Variants in DOCK4 observed in about 807,000 individuals in gnomAD.
DOCK4 encodes dedicator of cytokinesis 4.
Under a neutral mutation model 268.1 loss-of-function variants are expected in DOCK4, and 97 were observed. That is an observed-to-expected ratio of 0.36 (90% confidence interval 0.31 to 0.43). The LOEUF (loss-of-function observed/expected upper bound fraction) is 0.43. Among genes scored for constraint, DOCK4 ranks in the 20% least tolerant of loss-of-function variants. The pLI, the probability that DOCK4 is intolerant of heterozygous loss-of-function variation, is 1.00. For missense variants in DOCK4, 2,145 were observed against 2,455.7 expected, an observed-to-expected ratio of 0.87 and a Z score of 2.67; for synonymous variants, 954 against 887.2, an observed-to-expected ratio of 1.08 and a Z score of -1.34.
intron 1 of DOCK4, among the ~76,000 whole-genome samples, chr7:112,155,971 A>G (rs1816577110): frequency 6.6e-6 from 1 of 152,180 alleles, no homozygotes; most frequent in Admixed American, 6.6e-5. Context: ...AAAGAGCCAT[A>G]TGTGGACAGC....
intron 13 of DOCK4, 82 bp from the exon 14 acceptor site, chr7:111,901,883 T>C (rs1791182240): frequency 9.8e-7 from 1 of 1,023,188 alleles, no homozygotes; most frequent in South Asian, 1.5e-5. Context: ...AAACTTTAGT[T>C]TATACAATAT....
chr7:112,182,509 G>A (rs1819146160), intron 1 of DOCK4, among the ~76,000 whole-genome samples: 1 of 152,158 alleles, frequency 6.6e-6, no homozygotes, highest in Non-Finnish European at 1.5e-5. Flanking sequence ...GGGAGAAGGA[G>A]GCAAAGGAAG....
At chr7:112,163,542 A>C (rs913142170) in intron 1 of DOCK4, among the ~76,000 whole-genome samples, 2 of 152,216 alleles carry the variant, frequency 1.3e-5, no homozygotes, top group African/African-American at 4.8e-5. Flanking sequence ...GGTTGTGTGC[A>C]CATTCCTGGC....
At chr7:111,768,961 A>G (rs1308468400) in intron 37 of DOCK4, among the ~76,000 whole-genome samples, 2 of 152,144 alleles carry the variant, frequency 1.3e-5, no homozygotes, top group African/African-American at 4.8e-5. Flanking sequence ...ATGAGGGTAG[A>G]GCCCTCACGA....
chr7:111,746,426 G>C lies in DOCK4; in HGVS notation c.4594-9C>G, dbSNP rs748351640. 6.3e-7 allele frequency: 1 copy of C among 1,596,326 alleles called. No individual in the cohort carries two copies. The highest frequency in any genetic ancestry group is 8.6e-7 in the Non-Finnish European group (1 of 1,169,118). On this transcript the variant is annotated splice_polypyrimidine_tract_variant and intron_variant, in intron 43 of 52. Coordinates refer to ENST00000428084, the MANE Select transcript of DOCK4 (RefSeq NM_001363540.2). ...TCTTTGACAAAGAATGCCTAGTAAG[G>C]GAAAGGAGAATCAGTCTACTTTAGT...
chr7:111,984,792 G>A (rs1221465806), intron 6 of DOCK4, among the ~76,000 whole-genome samples: 1 of 152,176 alleles, frequency 6.6e-6, no homozygotes, highest in Non-Finnish European at 1.5e-5. Context: ...AGGAAATTTG[G>A]TCTTTAGAAT....
intron 12 of DOCK4, among the ~76,000 whole-genome samples, chr7:111,916,470 A>T (rs1792595936): frequency 6.6e-6 from 1 of 152,136 alleles, no homozygotes; most frequent in Non-Finnish European, 1.5e-5. Context: ...TACAGTAGAA[A>T]CTCATGATGA....
At chr7:111,812,226 TG>T (rs1452190064) in intron 27 of DOCK4, among the ~76,000 whole-genome samples, 1 of 149,540 alleles carries the variant, frequency 6.7e-6, no homozygotes, top group Non-Finnish European at 1.5e-5. Flanking sequence ...TGTTTTGTAA[TG>T]TTTTTTGTTA....
intron 1 of DOCK4, among the ~76,000 whole-genome samples, chr7:112,183,544 T>A (rs1200948872): frequency 6.6e-6 from 1 of 152,158 alleles, no homozygotes; most frequent in Non-Finnish European, 1.5e-5. Flanking sequence ...AAACCTGGGT[T>A]TCTCAAAAAG....
intron 7 of DOCK4, among the ~76,000 whole-genome samples, chr7:111,982,487 A>C (rs181222892): frequency 3.5e-4 from 53 of 152,344 alleles, no homozygotes; most frequent in Admixed American, 2.9e-3. Flanking sequence ...ATGTTGTGCA[A>C]ATATTATCTG....
intron 12 of DOCK4, among the ~76,000 whole-genome samples, chr7:111,930,302 G>A (rs1794093859): frequency 6.6e-6 from 1 of 152,120 alleles, no homozygotes; most frequent in Non-Finnish European, 1.5e-5. Flanking sequence ...AGTGGTTAAT[G>A]TACCTTTGCA....
chr7:111,921,155 G>T lies in DOCK4; in HGVS notation c.1067-5251C>A, dbSNP rs543612659. On this transcript the variant is annotated intron_variant, in intron 12 of 52. Transcript: ENST00000428084. ...TTGGAAGAAACGTAATCATTAAAGT[G>T]AACTTTCACATCAGCCTAGATGTTC... is the stretch of plus-strand genomic sequence containing the variant. Among the ~76,000 whole-genome samples the T allele has an allele frequency of 7.2e-5, 11 of 152,202 alleles. No individual in the cohort carries two copies. The South Asian group carries it at 2.1e-3, about 29-fold the overall frequency.
At position 111,840,752 on chromosome 7, in the gene DOCK4, C is replaced by T. The variant is rs368215330; in HGVS notation, c.2736+4011G>A. On this transcript the variant is annotated intron_variant, in intron 25 of 52. Coordinates refer to ENST00000428084, the MANE Select transcript of DOCK4 (RefSeq NM_001363540.2). Reference sequence around the variant, plus strand: ...TCACAATGGCACATTGTGGGATCTGCGTTTACTCACAGTGTGTCTACTTGT... The same window carrying T: ...TCACAATGGCACATTGTGGGATCTGTGTTTACTCACAGTGTGTCTACTTGT... The T allele has an allele frequency of 5.6e-5, 70 of 1,247,094 alleles. 1 individual carries two copies. The highest frequency in any genetic ancestry group is 2.3e-4 in the Middle Eastern group (1 of 4,348). 77.3% of individuals were successfully genotyped at this position (1,247,094 alleles called of 1,614,324 possible).
intron 51 of DOCK4, chr7:111,732,591 G>A: frequency 7.6e-6 from 3 of 394,532 alleles, no homozygotes; most frequent in South Asian, 5.8e-5. Flanking sequence ...AAGTCCAGGT[G>A]CTTCTGCACT....
intron 1 of DOCK4, among the ~76,000 whole-genome samples, chr7:112,105,782 G>A: frequency 6.6e-6 from 1 of 150,856 alleles, no homozygotes; most frequent in Non-Finnish European, 1.5e-5. Context: ...TTGACCTCCT[G>A]GGCTCAAGCA....
intron 12 of DOCK4, among the ~76,000 whole-genome samples, chr7:111,921,760 C>T (rs1191000439): frequency 6.6e-6 from 1 of 152,188 alleles, no homozygotes; most frequent in Non-Finnish European, 1.5e-5. Flanking sequence ...GCTACTCCTA[C>T]AATTGCCACT....
chr7:112,100,191 G>A (rs542357554), intron 1 of DOCK4, among the ~76,000 whole-genome samples: 1 of 152,202 alleles, frequency 6.6e-6, no homozygotes, highest in East Asian at 1.9e-4. Flanking sequence ...ATACAGTTGA[G>A]GTATTATTAG....
rs1467519478 is a variant in DOCK4 at position 111,767,122 on chromosome 7, T to C, written c.3829-4A>G. The C allele has an allele frequency of 6.2e-7, 1 of 1,612,216 alleles. No homozygotes were observed. Among genetic ancestry groups the C allele is most frequent in the South Asian group, 1.1e-5 (1 of 91,024 alleles). ...AGATAATGCCATTCTCCCAACACTG[T>C]GGACAAATGAATGAGATCAATGGAA... On this transcript the variant is annotated splice_polypyrimidine_tract_variant and splice_region_variant and intron_variant, in intron 37 of 52. Transcript: ENST00000428084.
At chr7:111,891,233 C>T (rs1190727904) in intron 16 of DOCK4, among the ~76,000 whole-genome samples, 1 of 151,520 alleles carries the variant, frequency 6.6e-6, no homozygotes, top group Admixed American at 6.6e-5. Flanking sequence ...TGTCCACTAA[C>T]AAAAAATTTA....
Sources: gnomAD v4.1 joint callset for allele counts (sites outside exome capture counted in the v4.1 genomes callset) on GRCh38, gnomAD v4.1.1 for gene constraint, MANE v1.5 for transcripts, NCBI Gene and HGNC (gene_info 2026-07-23, HGNC 2026-07-21) for gene names.